CSMD3: variants seen among roughly 807,000 people sequenced by gnomAD.
The protein encoded by CSMD3 is CUB and Sushi multiple domains 3, also known as CUB and sushi domain-containing protein 3.
CSMD3 carries 177 observed loss-of-function variants against 435.2 expected under a neutral mutation model. The observed-to-expected ratio is 0.41, with a 90% CI of 0.36 to 0.46. The LOEUF is 0.46. CSMD3 is among the 20% of genes least tolerant of loss of function. The probability of loss-of-function intolerance (pLI) is 0.34; values close to 1 mark genes in which losing one functional copy is unlikely to be tolerated. For synonymous variants in CSMD3, 1,656 were observed against 1,520.5 expected (o/e 1.09, Z -2.07); for missense variants, 4,265 against 4,504.6 (o/e 0.95, Z 1.52).
rs1355551842 is a variant in CSMD3 at position 112,575,557 on chromosome 8, TA to T, written c.3886-1901del. 2.0e-5 allele frequency among the ~76,000 whole-genome samples: 3 copies of T among 152,212 alleles called. No individual in the cohort carries two copies. The East Asian group carries it at 5.8e-4, about 29-fold the overall frequency. On this transcript the variant is annotated intron_variant, in intron 23 of 70. Transcript: ENST00000297405. The stretch of plus-strand genomic sequence containing the variant: ...TGTATACACAAATTTCCTAATATTA[TA>T]AGGGAATATCTTGAATCCCTGGAGG...
chr8:112,789,518 T>C (rs894943748), intron 13 of CSMD3, among the ~76,000 whole-genome samples: 23 of 152,054 alleles, frequency 1.5e-4, no homozygotes, highest in Admixed American at 4.6e-4. Context: ...AACACTGAAA[T>C]GTATCTGTGT....
chr8:113,220,858 T>C (rs1350723280), intron 3 of CSMD3, among the ~76,000 whole-genome samples: 1 of 151,460 alleles, frequency 6.6e-6, no homozygotes, highest in African/African-American at 2.4e-5. Context: ...ATATGCCTTC[T>C]GATGCGGAAC....
At chr8:112,353,548 C>T (rs1826326547) in intron 38 of CSMD3, among the ~76,000 whole-genome samples, 1 of 151,948 alleles carries the variant, frequency 6.6e-6, no homozygotes, top group African/African-American at 2.4e-5. Context: ...TTATCTAGAG[C>T]AAAGGAAAAA....
chr8:113,171,408 A>G (rs530869181), intron 4 of CSMD3, among the ~76,000 whole-genome samples: 14 of 152,140 alleles, frequency 9.2e-5, no homozygotes, highest in Non-Finnish European at 1.9e-4. Flanking sequence ...GAAGGAACCT[A>G]ACAACAGAGA....
chr8:113,093,819 A>T (rs2131524505), intron 5 of CSMD3, among the ~76,000 whole-genome samples: 1 of 152,282 alleles, frequency 6.6e-6, no homozygotes, highest in South Asian at 2.1e-4. Context: ...AAAATGTATT[A>T]CATACCTTAT....
intron 1 of CSMD3, among the ~76,000 whole-genome samples, chr8:113,353,817 T>C (rs1167510413): frequency 1.3e-5 from 2 of 152,134 alleles, no homozygotes; most frequent in Admixed American, 6.6e-5. Context: ...AATTTTATGC[T>C]ATTCTATTTT....
intron 3 of CSMD3, among the ~76,000 whole-genome samples, chr8:113,275,779 C>T (rs1588425226): frequency 6.6e-6 from 1 of 151,922 alleles, no homozygotes; most frequent in East Asian, 1.9e-4. Flanking sequence ...GCAGGAAAAT[C>T]GCTAGAAGCC....
chr8:113,115,362 T>C (rs2131613315), intron 4 of CSMD3, among the ~76,000 whole-genome samples: 1 of 152,294 alleles, frequency 6.6e-6, no homozygotes, highest in South Asian at 2.1e-4. Flanking sequence ...CTTGATGAAT[T>C]TTCACAAAAT....
chr8:112,929,967 A>G (rs2083053632), intron 9 of CSMD3, among the ~76,000 whole-genome samples: 1 of 152,108 alleles, frequency 6.6e-6, no homozygotes, highest in African/African-American at 2.4e-5. Flanking sequence ...TTTTGTTGGT[A>G]TGATCATAGG....
chr8:112,354,606 C>T (rs1048210848), intron 38 of CSMD3, among the ~76,000 whole-genome samples: 1 of 152,006 alleles, frequency 6.6e-6, no homozygotes, highest in Admixed American at 6.6e-5. Flanking sequence ...ACAATAACTG[C>T]AAAACAAATA....
chr8:112,699,591 G>A (rs1455494244), intron 13 of CSMD3, among the ~76,000 whole-genome samples: 1 of 152,192 alleles, frequency 6.6e-6, no homozygotes, highest in Admixed American at 6.5e-5. Flanking sequence ...GGTGAAATTG[G>A]TGATGTTCTC....
intron 1 of CSMD3, among the ~76,000 whole-genome samples, chr8:113,355,769 G>GA (rs1383112366): frequency 1.3e-5 from 1 of 74,474 alleles, no homozygotes; most frequent in African/African-American, 5.8e-5. Flanking sequence ...CACACACACG[G>GA]GGTGTGTGTG....
chr8:112,426,165 T>C (rs573947465), intron 32 of CSMD3, among the ~76,000 whole-genome samples: 53 of 152,306 alleles, frequency 3.5e-4, no homozygotes, highest in Middle Eastern at 3.4e-3. Flanking sequence ...AATGATTGTT[T>C]AGCTTAATTC....
chr8:113,257,823 A>G (rs1274123736), intron 3 of CSMD3, among the ~76,000 whole-genome samples: 1 of 152,196 alleles, frequency 6.6e-6, no homozygotes, highest in African/African-American at 2.4e-5. Context: ...ACTTCAACAA[A>G]TACACTGTTT....
chr8:112,303,493 T>C (rs1371283341), intron 52 of CSMD3, among the ~76,000 whole-genome samples: 1 of 152,022 alleles, frequency 6.6e-6, no homozygotes, highest in Non-Finnish European at 1.5e-5. Context: ...AGGCAGAGGT[T>C]GCAGTGAGCT....
chr8:112,672,155 T>C (rs915390997), intron 16 of CSMD3, among the ~76,000 whole-genome samples: 1 of 151,948 alleles, frequency 6.6e-6, no homozygotes, highest in Non-Finnish European at 1.5e-5. Context: ...CCCAGGGGCA[T>C]TAGGAAAGAG....
At chr8:112,940,296 A>T (rs1216451035) in intron 9 of CSMD3, among the ~76,000 whole-genome samples, 3 of 151,738 alleles carry the variant, frequency 2.0e-5, no homozygotes, top group Non-Finnish European at 4.4e-5. Flanking sequence ...CCAAATTGTT[A>T]TTTGCTCTCA....
At chr8:112,979,566 T>C (rs1315231957) in intron 6 of CSMD3, among the ~76,000 whole-genome samples, 2 of 151,506 alleles carry the variant, frequency 1.3e-5, no homozygotes, top group Non-Finnish European at 3.0e-5. Context: ...GAATTATGTA[T>C]AGCAATAATT....
At chr8:113,353,721 T>G (rs1270549280) in intron 1 of CSMD3, among the ~76,000 whole-genome samples, 1 of 152,188 alleles carries the variant, frequency 6.6e-6, no homozygotes, top group African/African-American at 2.4e-5. Context: ...CAAGGTTTCT[T>G]ATCAGTTTTT....
Sources: allele counts gnomAD v4.1 joint callset (sites outside exome capture counted in the v4.1 genomes callset), GRCh38; gene constraint gnomAD v4.1.1; transcripts MANE v1.5; gene names NCBI Gene and HGNC (gene_info 2026-07-23, HGNC 2026-07-21).